The following CSMD1 variants were observed in gnomAD, a reference collection of about 807,000 sequenced individuals.
CSMD1 encodes the protein CUB and sushi domain-containing protein 1.
CSMD1 carries 213 observed loss-of-function variants against 417.5 expected under a neutral mutation model. The observed-to-expected ratio is 0.51, with a 90% CI of 0.46 to 0.57. CSMD1 has a LOEUF of 0.57. Among genes scored for constraint, CSMD1 ranks in the 20% least tolerant of loss-of-function variants. The probability of loss-of-function intolerance (pLI) is 0.00; values close to 1 mark genes in which losing one functional copy is unlikely to be tolerated. For synonymous variants in CSMD1, 2,862 were observed against 1,736.8 expected (o/e 1.65, Z -16.11); for missense variants, 6,923 against 4,529.7 (o/e 1.53, Z -15.17).
chr8:3,917,007 G>C (rs2688313), intron 5 of CSMD1, among the ~76,000 whole-genome samples: 99,074 of 151,994 alleles, frequency 0.65, 32,677 homozygotes, highest in African/African-American at 0.75. Flanking sequence ...GCCCTATGAA[G>C]CATTGTTGAT....
At chr8:4,572,956 T>C (rs1798958014) in intron 2 of CSMD1, among the ~76,000 whole-genome samples, 1 of 152,212 alleles carries the variant, frequency 6.6e-6, no homozygotes, top group African/African-American at 2.4e-5. Flanking sequence ...TGCCGTGTTT[T>C]TCAGCTCCAT....
chr8:3,803,081 T>A (rs115676183), intron 5 of CSMD1, among the ~76,000 whole-genome samples: 2,331 of 152,302 alleles, frequency 0.015, 62 homozygotes, highest in African/African-American at 0.052. Context: ...CCTTTTGGTC[T>A]ATCTCTATCA....
At chr8:3,941,139 GAAGA>G (rs1563234401) in intron 5 of CSMD1, among the ~76,000 whole-genome samples, 1 of 151,884 alleles carries the variant, frequency 6.6e-6, no homozygotes, top group African/African-American at 2.4e-5. Flanking sequence ...ATACAGTTAA[GAAGA>G]AATAAAAGCA....
chr8:3,173,960 G>T (rs143287188), intron 37 of CSMD1, among the ~76,000 whole-genome samples: 61 of 152,242 alleles, frequency 4.0e-4, no homozygotes, highest in African/African-American at 1.4e-3. Context: ...AAGGACATAA[G>T]GCATTTTCCA....
At chr8:3,194,408 CTATTTTATTTTATTTTATTT>C (rs201987474) in intron 33 of CSMD1, among the ~76,000 whole-genome samples, 3,238 of 134,898 alleles carry the variant, frequency 0.024, 118 homozygotes, top group African/African-American at 0.079. Context: ...ATCTGATTAA[CTATTTTATTTTATTTTATTT>C]TATTTTATTT....
At chr8:3,374,549 G>A (rs1188998083) in intron 18 of CSMD1, among the ~76,000 whole-genome samples, 3 of 152,324 alleles carry the variant, frequency 2.0e-5, no homozygotes, top group African/African-American at 7.2e-5. Context: ...AGGTCTAGAT[G>A]ATTAGACTAT....
intron 7 of CSMD1, among the ~76,000 whole-genome samples, chr8:3,668,516 G>A (rs2117505335): frequency 6.6e-6 from 1 of 152,280 alleles, no homozygotes; most frequent in South Asian, 2.1e-4. Context: ...GTCTGACTGG[G>A]CATTGTACAC....
intron 27 of CSMD1, among the ~76,000 whole-genome samples, chr8:3,228,209 G>A (rs912190732): frequency 6.6e-6 from 1 of 151,992 alleles, no homozygotes; most frequent in Admixed American, 6.6e-5. Context: ...AATGTCTTCA[G>A]TAAAATGTAT....
intron 5 of CSMD1, among the ~76,000 whole-genome samples, chr8:3,947,582 G>C (rs116954684): frequency 1.3e-5 from 2 of 152,076 alleles, no homozygotes; most frequent in Non-Finnish European, 1.5e-5. Context: ...ATAAACCATG[G>C]GTTATATAGA....
At chr8:4,165,782 C>T (rs565210425) in intron 3 of CSMD1, among the ~76,000 whole-genome samples, 4 of 152,186 alleles carry the variant, frequency 2.6e-5, no homozygotes, top group South Asian at 2.1e-4. Flanking sequence ...TGTTAGCTCA[C>T]GTGTTGTCAC....
intron 1 of CSMD1, among the ~76,000 whole-genome samples, chr8:4,777,795 C>G (rs143895874): frequency 2.4e-4 from 37 of 152,226 alleles, no homozygotes; most frequent in African/African-American, 7.2e-4. Flanking sequence ...GTAAACATGA[C>G]CAGGGAAGCA....
chr8:3,491,502 A>C (rs1384964004), intron 11 of CSMD1, among the ~76,000 whole-genome samples: 1 of 152,212 alleles, frequency 6.6e-6, no homozygotes. Flanking sequence ...GTTGTGGTCC[A>C]GCAACATGAT....
At chr8:3,287,604 G>C (rs1803256097) in intron 25 of CSMD1, among the ~76,000 whole-genome samples, 1 of 152,098 alleles carries the variant, frequency 6.6e-6, no homozygotes, top group Admixed American at 6.6e-5. Flanking sequence ...CTCTCTGTTT[G>C]TCTGTTATTG....
At chr8:3,673,976 G>C (rs1434746257) in intron 7 of CSMD1, among the ~76,000 whole-genome samples, 1 of 152,100 alleles carries the variant, frequency 6.6e-6, no homozygotes, top group African/African-American at 2.4e-5. Context: ...AAATTAGCCA[G>C]GCATGGTGGC....
In CSMD1 at chr8:3,408,234, A is replaced by T. The variant is rs1203011077; in HGVS notation, c.1745-9T>A. ...GTTGAAGAAACATGAAACTGTGAAG[A>T]TGCAAATATATTTTCAAACAGTTAT... On this transcript the variant is annotated splice_polypyrimidine_tract_variant and intron_variant, in intron 13 of 69. Coordinates refer to ENST00000635120, the MANE Select transcript of CSMD1 (RefSeq NM_033225.6). 1 of 1,573,822 alleles carries T rather than the reference A, an allele frequency of 6.4e-7. No individual in the cohort carries two copies. Among genetic ancestry groups the T allele is most frequent in the East Asian group, 2.3e-5 (1 of 43,724 alleles).
intron 3 of CSMD1, among the ~76,000 whole-genome samples, chr8:4,356,974 T>C (rs981523894): frequency 3.9e-5 from 6 of 152,222 alleles, no homozygotes; most frequent in African/African-American, 1.4e-4. Context: ...ACTTTGCAGC[T>C]ATGTGAATAT....
Position 4,584,176 on chromosome 8 carries a change from A to T in CSMD1, c.302+53166T>A, listed in dbSNP as rs573077540. ...CGCCACCTTAAGAACTGTAACACTC[A>T]CTGCGACGGTCCGTGGCATCATTCT... On this transcript the variant is annotated intron_variant, in intron 2 of 69. Transcript: ENST00000635120. Among the ~76,000 whole-genome samples the T allele has an allele frequency of 2.6e-5, 4 of 152,146 alleles. No homozygotes were observed. The South Asian group carries it at 8.3e-4, about 32-fold the overall frequency.
rs117004441 is a variant in CSMD1 at position 3,944,941 on chromosome 8, T to G, written c.818+52962A>C. Among the ~76,000 whole-genome samples, 737 of 152,306 alleles carry G rather than the reference T, an allele frequency of 4.8e-3. 5 individuals carry two copies. Among genetic ancestry groups the G allele is most frequent in the Non-Finnish European group, 8.1e-3 (552 of 68,000 alleles). ...AACGCTGTCTCTCACTTTGTTATTC[T>G]TCGACATTACAAGGATGACAAAGAT... is the stretch of plus-strand genomic sequence containing the variant. On this transcript the variant is annotated intron_variant, in intron 5 of 69. Coordinates refer to ENST00000635120, the MANE Select transcript of CSMD1 (RefSeq NM_033225.6).
chr8:3,361,400 G>A (rs548211296), intron 20 of CSMD1, among the ~76,000 whole-genome samples: 100 of 151,996 alleles, frequency 6.6e-4, no homozygotes, highest in African/African-American at 2.2e-3. Flanking sequence ...AGGCAGAGGC[G>A]GGTGGATCAT....
Sources: gnomAD v4.1 joint callset for allele counts (sites outside exome capture counted in the v4.1 genomes callset) on GRCh38, gnomAD v4.1.1 for gene constraint, MANE v1.5 for transcripts, NCBI Gene and HGNC (gene_info 2026-07-23, HGNC 2026-07-21) for gene names.